The following CEP350 variants were observed in gnomAD, a reference collection of about 807,000 sequenced individuals.
CEP350 encodes the protein centrosome-associated protein 350.
Under a neutral mutation model 331.8 loss-of-function variants are expected in CEP350, and 126 were observed. That is an observed-to-expected ratio of 0.38 (90% CI 0.33 to 0.44). The LOEUF (loss-of-function observed/expected upper bound fraction) is 0.44, where lower values mean the gene tolerates loss of function less well. Ranked by LOEUF, CEP350 falls within the 20% of genes least tolerant of loss-of-function variation. The pLI, the probability that CEP350 is intolerant of heterozygous loss-of-function variation, is 1.00. For synonymous variants in CEP350, 1,200 were observed against 1,259.5 expected (o/e 0.95, Z 1.00); for missense variants, 3,406 against 3,634.6 (o/e 0.94, Z 1.62).
chr1:180,072,448 A>G (rs1658953813), intron 27 of CEP350, among the ~76,000 whole-genome samples: 3 of 152,176 alleles, frequency 2.0e-5, no homozygotes, highest in Admixed American at 2.0e-4. Flanking sequence ...GAATGTTATG[A>G]ATAGATTTTT....
At position 180,090,616 on chromosome 1, in the gene CEP350, G is replaced by T. The variant is rs574590088; in HGVS notation, c.6426-98G>T. ...GACATAGATTGACATACCTACTGTA[G>T]AGAAGAGGAAAGAAGCAGTTGTCTA... On this transcript the variant is annotated intron_variant, in intron 32 of 37. Transcript: ENST00000367607. 2.9e-4 allele frequency: 244 copies of T among 852,548 alleles called. 1 individual carries two copies. In the African/African-American group the frequency reaches 4.0e-3, roughly 14 times the overall value. 52.8% of individuals were successfully genotyped at this position (852,548 alleles called of 1,614,324 possible). A position where few individuals can be genotyped will look rare whatever the true frequency, so the allele number is the denominator to read the frequency against.
chr1:179,992,769 T>G (rs1430550344), intron 5 of CEP350, among the ~76,000 whole-genome samples: 2 of 152,190 alleles, frequency 1.3e-5, no homozygotes, highest in African/African-American at 4.8e-5. Flanking sequence ...GCTTTGCATT[T>G]TTGTTAACAT....
chr1:179,969,179 C>CTG (rs372780152), intron 1 of CEP350: 12 of 581,018 alleles, frequency 2.1e-5, no homozygotes, highest in Non-Finnish European at 3.2e-5. Context: ...CGGGGAAGTT[C>CTG]TGTGTGTGTG....
intron 37 of CEP350, among the ~76,000 whole-genome samples, chr1:180,101,007 C>T (rs1047161575): frequency 6.6e-6 from 1 of 152,166 alleles, no homozygotes; most frequent in African/African-American, 2.4e-5. Flanking sequence ...CAGAGGCTTC[C>T]AGTAGGTGCC....
At chr1:180,098,394 G>GC (rs1660613210) in intron 36 of CEP350, among the ~76,000 whole-genome samples, 1 of 152,114 alleles carries the variant, frequency 6.6e-6, no homozygotes, top group Non-Finnish European at 1.5e-5. Context: ...AGGCTGGAGT[G>GC]CAGTGGTGCA....
chr1:180,074,073 G>A (rs1051026134), intron 27 of CEP350, among the ~76,000 whole-genome samples: 1 of 151,932 alleles, frequency 6.6e-6, no homozygotes, highest in East Asian at 1.9e-4. Flanking sequence ...AATTTGACAT[G>A]ATGATGGCTC....
At chr1:180,055,693 C>G (rs995490148) in intron 25 of CEP350, among the ~76,000 whole-genome samples, 1 of 151,710 alleles carries the variant, frequency 6.6e-6, no homozygotes, top group Non-Finnish European at 1.5e-5. Flanking sequence ...ACTACAGCCC[C>G]CACCACCGCG....
chr1:180,085,732 G>A (rs1012802207), intron 31 of CEP350: 1 of 152,198 alleles, frequency 6.6e-6, no homozygotes, highest in Non-Finnish European at 1.5e-5. Flanking sequence ...AGTGCTCTAA[G>A]TATTAGAAGA....
At chr1:180,109,847 C>A (rs1259165185) in intron 37 of CEP350, among the ~76,000 whole-genome samples, 2 of 151,932 alleles carry the variant, frequency 1.3e-5, no homozygotes, top group Non-Finnish European at 2.9e-5. Context: ...GTTGGCCAGG[C>A]TGATCTCCAA....
intron 25 of CEP350, among the ~76,000 whole-genome samples, chr1:180,061,550 G>T (rs1367035227): frequency 2.6e-5 from 4 of 152,160 alleles, no homozygotes; most frequent in African/African-American, 9.7e-5. Context: ...GTTAAATTTT[G>T]ACAATTATTA....
chr1:180,109,505 C>G (rs575186548), intron 37 of CEP350, among the ~76,000 whole-genome samples: 2 of 152,248 alleles, frequency 1.3e-5, no homozygotes, highest in East Asian at 1.9e-4. Context: ...AGTAAGACTT[C>G]TAGTTAGAGA....
At chr1:180,042,130 T>TCA (rs533781557) in intron 19 of CEP350, among the ~76,000 whole-genome samples, 2,167 of 69,144 alleles carry the variant, frequency 0.031, 49 homozygotes, top group Admixed American at 0.14. Flanking sequence ...GTGAGTTTTC[T>TCA]CTCACACACA....
chr1:180,014,278 A>T lies in CEP350; in HGVS notation c.1825A>T (p.Arg609Ter). ...TGTTAGGCAGCAGGAGGAAAGGAAGAGAAAGCAAAATGAAGAGAAGAAGGC... is the reference window on the plus strand; with the variant it reads ...TGTTAGGCAGCAGGAGGAAAGGAAGTGAAAGCAAAATGAAGAGAAGAAGGC... ...YIVRQQEERK[R>*]KQNEEKKAQK... is the part of the protein sequence containing the mutation. The change falls in exon 10 of 38, where the codon AGA becomes TGA. Residue 609 changes from arginine (R) to a stop codon, truncating the protein, a stop_gained. Coordinates refer to ENST00000367607, the MANE Select transcript of CEP350 (RefSeq NM_014810.5). LOFTEE classifies it high-confidence loss of function. The T allele has an allele frequency of 6.2e-7, 1 of 1,602,632 alleles. No individual in the cohort carries two copies. Among genetic ancestry groups the T allele is most frequent in the Non-Finnish European group, 8.5e-7 (1 of 1,174,350 alleles).
In CEP350 at chr1:180,066,303, C is replaced by T. The variant is rs190297281; in HGVS notation, c.5567+1031C>T. On this transcript the variant is annotated intron_variant, in intron 27 of 37. Transcript: ENST00000367607. ...CCCCATATCTAGCTTCCTCGAAACC[C>T]ATTAAATATGGAAGAGACTCATTAG... is the stretch of plus-strand genomic sequence containing the variant. 4.6e-5 allele frequency among the ~76,000 whole-genome samples: 7 copies of T among 152,288 alleles called. No individual in the cohort carries two copies. In the East Asian group the frequency reaches 1.3e-3, roughly 29 times the overall value.
At chr1:180,037,624 T>G (rs1656454943) in intron 17 of CEP350, among the ~76,000 whole-genome samples, 2 of 151,994 alleles carry the variant, frequency 1.3e-5, no homozygotes, top group African/African-American at 4.8e-5. Flanking sequence ...ATACACAGAT[T>G]TTAAGTGTAC....
chr1:180,103,414 T>G (rs1000783791), intron 37 of CEP350, among the ~76,000 whole-genome samples: 2 of 152,228 alleles, frequency 1.3e-5, no homozygotes, highest in African/African-American at 4.8e-5. Context: ...TGGGGACTGC[T>G]TTTCATTAAA....
Position 180,086,462 on chromosome 1 carries a change from G to A in CEP350, c.6286-1116G>A, listed in dbSNP as rs566327545. Among the ~76,000 whole-genome samples the A allele has an allele frequency of 5.9e-5, 9 of 151,978 alleles. No homozygotes were observed. In the South Asian group the frequency reaches 1.7e-3, roughly 28 times the overall value. The stretch of plus-strand genomic sequence containing the variant: ...AGTGCCATACGATCCATCTCTTCCA[G>A]CATTCTACTTAATGGCATAAACAAA... On this transcript the variant is annotated intron_variant, in intron 31 of 37. Coordinates refer to ENST00000367607, the MANE Select transcript of CEP350 (RefSeq NM_014810.5).
At chr1:180,013,743 TTAAG>T (rs1332529751) in intron 9 of CEP350, 100 bp from the exon 10 acceptor site, 7 of 1,060,392 alleles carry the variant, frequency 6.6e-6, no homozygotes, top group Non-Finnish European at 8.2e-6. Context: ...GAATTTGAGT[TTAAG>T]TAAGATAAAA....
At chr1:180,072,691 A>T (rs1218252446) in intron 27 of CEP350, among the ~76,000 whole-genome samples, 1 of 152,144 alleles carries the variant, frequency 6.6e-6, no homozygotes, top group Non-Finnish European at 1.5e-5. Flanking sequence ...ATGAAATACT[A>T]AGTTATATGT....
Sources: allele counts gnomAD v4.1 joint callset (sites outside exome capture counted in the v4.1 genomes callset), GRCh38; gene constraint gnomAD v4.1.1; transcripts MANE v1.5; gene names NCBI Gene and HGNC (gene_info 2026-07-23, HGNC 2026-07-21).